The following GALNT13 variants were observed in gnomAD, a reference collection of about 807,000 sequenced individuals.
GALNT13 encodes polypeptide N-acetylgalactosaminyltransferase 13.
Under a neutral mutation model 64.2 loss-of-function variants are expected in GALNT13, and 28 were observed. That is an observed-to-expected ratio of 0.44 (90% CI 0.32 to 0.60). The LOEUF (loss-of-function observed/expected upper bound fraction) is 0.60, where lower values mean the gene tolerates loss of function less well. Ranked by LOEUF, GALNT13 falls within the 20% of genes least tolerant of loss-of-function variation. GALNT13 has a pLI of 0.05. For synonymous variants in GALNT13, 214 were observed against 224.6 expected (o/e 0.95, Z 0.42); for missense variants, 577 against 669.8 (o/e 0.86, Z 1.53).
At chr2:153,328,348 G>A in the GALNT13 span, among the ~76,000 whole-genome samples, 1 of 152,152 alleles carries the variant, frequency 6.6e-6, no homozygotes, top group African/African-American at 2.4e-5. Flanking sequence ...GAGATCCATT[G>A]CTCTCTTCAG....
At chr2:153,746,631 T>C in the GALNT13 span, among the ~76,000 whole-genome samples, 5 of 152,156 alleles carry the variant, frequency 3.3e-5, no homozygotes, top group Admixed American at 3.3e-4. Flanking sequence ...AACTCGTGTA[T>C]TTCTGGTGGG....
At chr2:154,000,344 A>G (rs1369467900) in intron 3 of GALNT13, among the ~76,000 whole-genome samples, 1 of 151,666 alleles carries the variant, frequency 6.6e-6, no homozygotes, top group Non-Finnish European at 1.5e-5. Flanking sequence ...CTTCCCTTCT[A>G]CTAATTTTGG....
chr2:153,884,760 A>G (rs1365697412), intron 1 of GALNT13, among the ~76,000 whole-genome samples: 1 of 127,748 alleles, frequency 7.8e-6, no homozygotes, highest in Non-Finnish European at 1.6e-5. Flanking sequence ...CTGTACTAAA[A>G]ATACGAATAT....
At chr2:154,225,168 A>AGATAGATAGATG (rs1289611332) in intron 4 of GALNT13, among the ~76,000 whole-genome samples, 1 of 142,874 alleles carries the variant, frequency 7.0e-6, no homozygotes, top group Non-Finnish European at 1.5e-5. Flanking sequence ...GATGATAGAT[A>AGATAGATAGATG]GATAGATAGA....
At chr2:153,414,316 G>A in the GALNT13 span, among the ~76,000 whole-genome samples, 281 of 151,522 alleles carry the variant, frequency 1.9e-3, 4 homozygotes, top group Non-Finnish European at 1.5e-3. Flanking sequence ...TGGAGGTTGC[G>A]GTGAGCCAAG....
the GALNT13 span, among the ~76,000 whole-genome samples, chr2:153,687,758 G>A: frequency 6.6e-6 from 1 of 151,850 alleles, no homozygotes; most frequent in Non-Finnish European, 1.5e-5. Context: ...TGATGATTTA[G>A]CCTATATTGA....
the GALNT13 span, among the ~76,000 whole-genome samples, chr2:153,182,246 G>A: frequency 3.3e-5 from 5 of 151,738 alleles, no homozygotes; most frequent in East Asian, 1.9e-4. Context: ...GGGTTTCACC[G>A]TGTTAGCCAG....
the GALNT13 span, among the ~76,000 whole-genome samples, chr2:153,864,210 T>G: frequency 6.6e-6 from 1 of 152,296 alleles, no homozygotes; most frequent in East Asian, 1.9e-4. Flanking sequence ...GATTTGTTGC[T>G]CTCCGTGGTA....
At chr2:154,065,006 A>T (rs2176656) in intron 3 of GALNT13, among the ~76,000 whole-genome samples, 1 of 151,892 alleles carries the variant, frequency 6.6e-6, no homozygotes, top group Non-Finnish European at 1.5e-5. Context: ...GCCCACTGCC[A>T]TGAAGGGTGA....
chr2:153,427,834 A>G, the GALNT13 span, among the ~76,000 whole-genome samples: 5 of 152,230 alleles, frequency 3.3e-5, no homozygotes, highest in Admixed American at 2.6e-4. Context: ...CATATTATAT[A>G]GTTTTTTATT....
intron 1 of GALNT13, among the ~76,000 whole-genome samples, chr2:153,891,045 T>G (rs1456899730): frequency 6.6e-6 from 1 of 152,056 alleles, no homozygotes; most frequent in Non-Finnish European, 1.5e-5. Context: ...CTACCTAAAC[T>G]ATGGATGTAT....
At chr2:154,314,022 G>A (rs531021919) in intron 9 of GALNT13, among the ~76,000 whole-genome samples, 2 of 152,186 alleles carry the variant, frequency 1.3e-5, no homozygotes, top group East Asian at 1.9e-4. Context: ...TTTCAAATTG[G>A]TACAAATGAT....
intron 9 of GALNT13, among the ~76,000 whole-genome samples, chr2:154,371,941 C>T (rs1697716150): frequency 6.6e-6 from 1 of 151,902 alleles, no homozygotes; most frequent in Non-Finnish European, 1.5e-5. Flanking sequence ...AGTTTAAGTA[C>T]ACAAGTTTAA....
the GALNT13 span, among the ~76,000 whole-genome samples, chr2:153,431,618 C>T: frequency 9.2e-5 from 14 of 152,208 alleles, no homozygotes; most frequent in Admixed American, 3.9e-4. Flanking sequence ...AGGCTTCTAG[C>T]CCCTCATTTT....
At chr2:153,071,557 A>G in the GALNT13 span, among the ~76,000 whole-genome samples, 15 of 152,356 alleles carry the variant, frequency 9.8e-5, no homozygotes, top group East Asian at 2.3e-3. Context: ...TTTATAAGCA[A>G]TATCTCAGAG....
chr2:153,770,276 G>A, the GALNT13 span, among the ~76,000 whole-genome samples: 13 of 151,356 alleles, frequency 8.6e-5, no homozygotes, highest in South Asian at 2.5e-3. Context: ...TCATTGTGGA[G>A]GTGGCTATAA....
chr2:154,088,160 C>T (rs1009611051), intron 3 of GALNT13, among the ~76,000 whole-genome samples: 4 of 152,112 alleles, frequency 2.6e-5, no homozygotes, highest in African/African-American at 7.2e-5. Flanking sequence ...TAATTCTTTT[C>T]AGTAGCCTTG....
At chr2:153,276,496 T>C in the GALNT13 span, among the ~76,000 whole-genome samples, 1 of 152,132 alleles carries the variant, frequency 6.6e-6, no homozygotes, top group East Asian at 1.9e-4. Flanking sequence ...TTCCATAAAC[T>C]ATATATTGAA....
chr2:153,308,983 A>G, the GALNT13 span, among the ~76,000 whole-genome samples: 3 of 152,130 alleles, frequency 2.0e-5, no homozygotes, highest in Admixed American at 1.3e-4. Context: ...TGTCCATAGC[A>G]GTTGAAATGT....
Sources: allele counts gnomAD v4.1 joint callset (sites outside exome capture counted in the v4.1 genomes callset), GRCh38; gene constraint gnomAD v4.1.1; transcripts MANE v1.5; gene names NCBI Gene and HGNC (gene_info 2026-07-23, HGNC 2026-07-21).